The following METTL21C variants were observed in gnomAD, a reference collection of about 807,000 sequenced individuals.
The protein encoded by METTL21C is methyltransferase 21C, AARS1 lysine.
A neutral mutation model predicts 25.9 loss-of-function variants in METTL21C; 21 were observed. The ratio of observed to expected loss-of-function variants is 0.81; its 90% CI spans 0.58 to 1.17. The LOEUF is 1.17. Ranked by LOEUF, METTL21C falls within the 50% of genes most tolerant of loss-of-function variation. The pLI is 0.00. For missense variants in METTL21C, 312 were observed against 315.1 expected (o/e 0.99, Z 0.07); for synonymous variants, 125 against 124.7 (o/e 1.00, Z -0.01).
At chr13:102,701,295 A>C in the METTL21C span, among the ~76,000 whole-genome samples, 1 of 152,064 alleles carries the variant, frequency 6.6e-6, no homozygotes, top group East Asian at 1.9e-4. Flanking sequence ...GCGCCTCTTC[A>C]GCTCTGGGGT....
At chr13:102,700,557 G>A in the METTL21C span, among the ~76,000 whole-genome samples, 1 of 152,214 alleles carries the variant, frequency 6.6e-6, no homozygotes, top group East Asian at 1.9e-4. Context: ...TAATTACACG[G>A]AGGAACGCTG....
At chr13:102,702,638 A>C in the METTL21C span, among the ~76,000 whole-genome samples, 3 of 150,978 alleles carry the variant, frequency 2.0e-5, no homozygotes, top group Non-Finnish European at 4.4e-5. Flanking sequence ...CCCAGGCTGG[A>C]GTGCAATGGC....
In METTL21C at chr13:102,690,983, A is replaced by C; in HGVS notation, c.131-19T>G. 6.2e-7 allele frequency: 1 copy of C among 1,612,784 alleles called. No individual in the cohort carries two copies. ...TTGGATTCTGTGAAGCAGAAAAATA[A>C]AATGGAGTTCATGATTTGTTCAAAT... is the stretch of plus-strand genomic sequence containing the variant. On this transcript the variant is annotated intron_variant, in intron 1 of 3. Coordinates refer to ENST00000267273, the MANE Select transcript of METTL21C (RefSeq NM_001010977.3).
upstream of METTL21C, among the ~76,000 whole-genome samples, chr13:102,698,363 G>A (rs1566392520): frequency 1.3e-5 from 2 of 152,258 alleles, no homozygotes; most frequent in South Asian, 4.2e-4. Flanking sequence ...GGATCATGAG[G>A]TCGGCCTGTT....
chr13:102,687,187 C>A, intron 2 of METTL21C, 130 bp from the exon 3 acceptor site: 2 of 673,662 alleles, frequency 3.0e-6, no homozygotes, highest in Non-Finnish European at 2.6e-6. Flanking sequence ...TCATAAGAAC[C>A]CAAATGTACA....
At chr13:102,690,642 T>C (rs956748713) in intron 2 of METTL21C, among the ~76,000 whole-genome samples, 171 bp downstream of exon 2, 1 of 151,926 alleles carries the variant, frequency 6.6e-6, no homozygotes, top group African/African-American at 2.4e-5. Context: ...AAAGAAACAC[T>C]GTTTTTGCTG....
Position 102,694,477 on chromosome 13 carries a change from C to T in METTL21C, c.22G>A (p.Ala8Thr), listed in dbSNP as rs374848987. 6 of 1,602,884 alleles carry T rather than the reference C, an allele frequency of 3.7e-6. No individual in the cohort carries two copies. Among genetic ancestry groups the T allele is most frequent in the Non-Finnish European group, 5.1e-6 (6 of 1,176,468 alleles). Residue 8 changes from alanine (A) to threonine (T), a missense_variant, in exon 1 of 4, where the codon GCG becomes ACG. Coordinates refer to ENST00000267273, the MANE Select transcript of METTL21C (RefSeq NM_001010977.3). ...TCCCCCCGGCGCCCAGGCTGCTGCG[C>T]GGAGCTCAGACACACGTCCATAGCC... is the stretch of plus-strand genomic sequence containing the variant. MDVCLSS[A>T]QQPGRRGEGL...
chr13:102,699,330 C>T (rs1005743886), upstream of METTL21C, among the ~76,000 whole-genome samples: 8 of 152,158 alleles, frequency 5.3e-5, no homozygotes, highest in Non-Finnish European at 1.0e-4. Flanking sequence ...AGATGATGTC[C>T]ATTTCTTCCC....
upstream of METTL21C, among the ~76,000 whole-genome samples, chr13:102,695,268 G>A (rs612900): frequency 0.13 from 20,318 of 152,052 alleles, 1,352 homozygotes; most frequent in Middle Eastern, 0.2. Flanking sequence ...GAGAAGGGAC[G>A]GGAGTCAAAG....
chr13:102,688,805 G>A (rs1885747856), intron 2 of METTL21C, among the ~76,000 whole-genome samples: 1 of 152,134 alleles, frequency 6.6e-6, no homozygotes, highest in Non-Finnish European at 1.5e-5. Context: ...CTGGCCGCAG[G>A]GTGTCATGCG....
chr13:102,693,971 C>A (rs559817009), intron 1 of METTL21C, among the ~76,000 whole-genome samples: 7 of 152,186 alleles, frequency 4.6e-5, no homozygotes, highest in African/African-American at 1.7e-4. Flanking sequence ...GTTACATTGT[C>A]CTAACGGGGA....
At position 102,686,262 on chromosome 13, in the gene METTL21C, A is replaced by G; in HGVS notation, c.564T>C (p.Asp188=). ...KNFPKSAFYY[D]YVLASDVVYH... ...AGACCACATCTGAGGCTAGGACGTA[A>G]TCATAGTAAAAAGCTGACTTGGGAA... Residue 188 remains aspartate (D), a synonymous_variant, in exon 4 of 4, where the codon GAT becomes GAC. Transcript: ENST00000267273. The G allele has an allele frequency of 6.2e-7, 1 of 1,614,164 alleles. No individual in the cohort carries two copies. Among genetic ancestry groups the G allele is most frequent in the Non-Finnish European group, 8.5e-7 (1 of 1,180,020 alleles).
chr13:102,691,022 A>G, intron 1 of METTL21C, 58 bp from the exon 2 acceptor site: 1 of 1,573,810 alleles, frequency 6.4e-7, no homozygotes, highest in Non-Finnish European at 8.7e-7. Context: ...GTGCAAAGAC[A>G]CACTTGGTAT....
chr13:102,694,934 A>C lies in METTL21C; in HGVS notation c.-436T>G, dbSNP rs1451212877. ...CACACACACACACACACACACGCAC[A>C]GTCCTAGCAACATTCAATGGAATTC... On this transcript the variant is annotated 5_prime_UTR_variant, in exon 1 of 4. Transcript: ENST00000267273. Among the ~76,000 whole-genome samples, 1 of 149,996 alleles carries C rather than the reference A, an allele frequency of 6.7e-6. No individual in the cohort carries two copies. The highest frequency in any genetic ancestry group is 1.5e-5 in the Non-Finnish European group (1 of 67,732).
chr13:102,686,984 A>G lies in METTL21C; in HGVS notation c.356T>C (p.Ile119Thr), dbSNP rs752830850. 8 of 1,614,060 alleles carry G rather than the reference A, an allele frequency of 5.0e-6. No homozygotes were observed. The highest frequency in any genetic ancestry group is 1.1e-5 in the South Asian group (1 of 91,092). The change falls in exon 3 of 4, where the codon ATT becomes ACT. Residue 119 changes from isoleucine to threonine, a missense_variant. Coordinates refer to ENST00000267273, the MANE Select transcript of METTL21C (RefSeq NM_001010977.3). The part of the protein sequence containing the change: ...LNFQDAKILE[I>T]GAGPGLVSIV... ...GGAAACAAGGCCTGGTCCGGCACCA[A>G]TTTCAAGTATTTTTGCATCTTGGAA... is the stretch of plus-strand genomic sequence containing the variant.
chr13:102,696,902 A>C (rs936422651), upstream of METTL21C, among the ~76,000 whole-genome samples: 1 of 152,186 alleles, frequency 6.6e-6, no homozygotes, highest in Admixed American at 6.5e-5. Context: ...CCAAAGGTTC[A>C]GGAAGGGATT....
the METTL21C span, among the ~76,000 whole-genome samples, chr13:102,702,370 GTC>G: frequency 4.3e-4 from 66 of 152,176 alleles, no homozygotes; most frequent in Admixed American, 3.9e-3. Flanking sequence ...AATATCCACT[GTC>G]ACTGTTCCTA....
chr13:102,687,982 CTTGA>C (rs1415142190), intron 2 of METTL21C, among the ~76,000 whole-genome samples: 2 of 152,012 alleles, frequency 1.3e-5, no homozygotes, highest in African/African-American at 4.8e-5. Context: ...TAGCAGTGCC[CTTGA>C]TTGGAGAGAT....
At chr13:102,687,915 G>A (rs1225606334) in intron 2 of METTL21C, among the ~76,000 whole-genome samples, 2 of 152,032 alleles carry the variant, frequency 1.3e-5, no homozygotes, top group Non-Finnish European at 2.9e-5. Context: ...AGAGTAAAGG[G>A]TATTTGATTT....
Sources: gnomAD v4.1 joint callset for allele counts (sites outside exome capture counted in the v4.1 genomes callset) on GRCh38, gnomAD v4.1.1 for gene constraint, MANE v1.5 for transcripts, NCBI Gene and HGNC (gene_info 2026-07-23, HGNC 2026-07-21) for gene names.